Variants in HDAC9 observed in about 807,000 individuals in gnomAD.
HDAC9 encodes histone deacetylase 9.
HDAC9 carries 41 observed loss-of-function variants against 139.4 expected under a neutral mutation model. The ratio of observed to expected loss-of-function variants is 0.29; its 90% CI spans 0.23 to 0.38. The LOEUF is 0.38. Ranked by LOEUF, HDAC9 falls within the 10% of genes least tolerant of loss-of-function variation. The pLI, the probability that HDAC9 is intolerant of heterozygous loss-of-function variation, is 1.00. For missense variants in HDAC9, 1,147 were observed against 1,297.0 expected, an observed-to-expected ratio of 0.88 and a Z score of 1.78; for synonymous variants, 517 against 476.2, an observed-to-expected ratio of 1.09 and a Z score of -1.12.
intron 1 of HDAC9, among the ~76,000 whole-genome samples, chr7:18,162,025 A>G (rs1787660783): frequency 6.6e-6 from 1 of 152,140 alleles, no homozygotes; most frequent in Admixed American, 6.5e-5. Context: ...TCTGTTCACA[A>G]TATTCCTGTG....
At chr7:18,955,253 A>AT (rs1783069016) in intron 24 of HDAC9, among the ~76,000 whole-genome samples, 1 of 152,092 alleles carries the variant, frequency 6.6e-6, no homozygotes. Flanking sequence ...GCTGGAGGTG[A>AT]TTTCATAAGC....
chr7:18,707,963 G>A (rs549192567), intron 12 of HDAC9, among the ~76,000 whole-genome samples: 4 of 152,168 alleles, frequency 2.6e-5, no homozygotes, highest in East Asian at 1.9e-4. Flanking sequence ...GACAGTACAT[G>A]CTGAGAGGCT....
intron 23 of HDAC9, among the ~76,000 whole-genome samples, chr7:18,944,276 A>G (rs1220977301): frequency 6.6e-6 from 1 of 152,090 alleles, no homozygotes; most frequent in Non-Finnish European, 1.5e-5. Context: ...GTTCCACAAT[A>G]TCTTTGACTC....
At chr7:18,192,129 G>A (rs969880560) in intron 2 of HDAC9, among the ~76,000 whole-genome samples, 5 of 152,196 alleles carry the variant, frequency 3.3e-5, no homozygotes, top group African/African-American at 1.2e-4. Flanking sequence ...GGGGGCGGGG[G>A]GGTGTCACAG....
intron 13 of HDAC9, among the ~76,000 whole-genome samples, chr7:18,728,013 T>G (rs1325205976): frequency 6.6e-6 from 1 of 152,192 alleles, no homozygotes; most frequent in Non-Finnish European, 1.5e-5. Context: ...ATGAGTTTTT[T>G]GGAAATGAAA....
chr7:18,259,329 A>G (rs565548997), intron 2 of HDAC9, among the ~76,000 whole-genome samples: 19 of 152,052 alleles, frequency 1.2e-4, no homozygotes, highest in South Asian at 6.2e-4. Context: ...CCACCCCCCA[A>G]TAAAAGTAAG....
chr7:18,283,904 C>T lies in HDAC9; in HGVS notation c.25+121555C>T, dbSNP rs571389817. Reference sequence around the variant, plus strand: ...ATAAACAAATCAGAACAACAAAGTTCTCCATTTCTTTGTTTGTGGAGTATT... The same window carrying T: ...ATAAACAAATCAGAACAACAAAGTTTTCCATTTCTTTGTTTGTGGAGTATT... On this transcript the variant is annotated intron_variant, in intron 2 of 12. Coordinates refer to the HDAC9 transcript ENST00000417496. Among the ~76,000 whole-genome samples the T allele has an allele frequency of 1.7e-3, 252 of 152,286 alleles. 1 individual carries two copies. Among genetic ancestry groups the T allele is most frequent in the Non-Finnish European group, 3.2e-3 (218 of 68,020 alleles).
At chr7:18,832,136 G>C (rs1400273266) in intron 19 of HDAC9, among the ~76,000 whole-genome samples, 1 of 152,186 alleles carries the variant, frequency 6.6e-6, no homozygotes, top group Non-Finnish European at 1.5e-5. Flanking sequence ...TTTTCAACTT[G>C]CAAGAGACTG....
intron 1 of HDAC9, among the ~76,000 whole-genome samples, chr7:18,386,954 C>T (rs944546859): frequency 6.6e-6 from 1 of 152,178 alleles, no homozygotes; most frequent in African/African-American, 2.4e-5. Context: ...CTTCACCTCC[C>T]GCAATGTGGC....
At chr7:18,455,316 A>G (rs1793243111) in intron 1 of HDAC9, among the ~76,000 whole-genome samples, 1 of 152,164 alleles carries the variant, frequency 6.6e-6, no homozygotes, top group Admixed American at 6.6e-5. Flanking sequence ...AGAATCCTGT[A>G]AACCTTTTAC....
chr7:18,315,255 C>T (rs924401958), intron 1 of HDAC9, among the ~76,000 whole-genome samples: 4 of 152,118 alleles, frequency 2.6e-5, no homozygotes, highest in African/African-American at 9.7e-5. Flanking sequence ...AGGGGTCAGG[C>T]ATTCACTGTT....
At chr7:18,133,841 T>A (rs192212745) in intron 1 of HDAC9, among the ~76,000 whole-genome samples, 1 of 152,080 alleles carries the variant, frequency 6.6e-6, no homozygotes, top group Non-Finnish European at 1.5e-5. Flanking sequence ...AACATTTCCA[T>A]GGCGTTACAT....
At chr7:18,441,322 G>A (rs550297724) in intron 1 of HDAC9, among the ~76,000 whole-genome samples, 91 of 152,120 alleles carry the variant, frequency 6.0e-4, no homozygotes, top group African/African-American at 2.1e-3. Flanking sequence ...ATATTTTACT[G>A]GAACATTTAT....
Position 18,975,891 on chromosome 7 carries a change from C to A in HDAC9, c.3108C>A (p.Thr1036=). The change falls in exon 25 of 26, where the codon ACC becomes ACA. Residue 1036 remains threonine (T), a synonymous_variant. Coordinates refer to ENST00000686413, the MANE Select transcript of HDAC9 (RefSeq NM_178425.4). ...AGAQLQEETE[T]VSALASLTVD... is the part of the protein sequence containing the mutation. ...CTCAGTTGCAAGAGGAGACAGAGAC[C>A]GTTTCTGCCCTGGCCTCCCTAACAG... The A allele has an allele frequency of 6.2e-7, 1 of 1,613,804 alleles. No individual in the cohort carries two copies. The highest frequency in any genetic ancestry group is 8.5e-7 in the Non-Finnish European group (1 of 1,179,826).
intron 1 of HDAC9, chr7:18,087,934 A>T (rs900030027): frequency 2.0e-5 from 3 of 152,208 alleles, no homozygotes; most frequent in African/African-American, 7.2e-5. Flanking sequence ...ACAGAGCGGG[A>T]CTGAGCTCTC....
intron 2 of HDAC9, among the ~76,000 whole-genome samples, chr7:18,259,727 G>T (rs757978254): frequency 2.0e-5 from 3 of 152,062 alleles, no homozygotes; most frequent in African/African-American, 7.2e-5. Context: ...CACACAGCAG[G>T]TTTTCAATAA....
At chr7:18,242,409 G>A (rs1280412556) in intron 2 of HDAC9, among the ~76,000 whole-genome samples, 1 of 152,178 alleles carries the variant, frequency 6.6e-6, no homozygotes, top group Non-Finnish European at 1.5e-5. Context: ...TGAGAAAAAT[G>A]ACTGGATAAC....
intron 24 of HDAC9, among the ~76,000 whole-genome samples, chr7:18,975,289 A>G (rs1330202632): frequency 6.6e-6 from 1 of 152,278 alleles, no homozygotes; most frequent in Non-Finnish European, 1.5e-5. Context: ...AAGAACATCC[A>G]GGACTAACAA....
intron 1 of HDAC9, among the ~76,000 whole-genome samples, chr7:18,092,186 G>C (rs1236460273): frequency 6.6e-6 from 1 of 152,060 alleles, no homozygotes; most frequent in Non-Finnish European, 1.5e-5. Context: ...AGGAGTTCAA[G>C]ATCAGCCTGG....
Sources: allele counts gnomAD v4.1 joint callset (sites outside exome capture counted in the v4.1 genomes callset), GRCh38; gene constraint gnomAD v4.1.1; transcripts MANE v1.5; gene names NCBI Gene and HGNC (gene_info 2026-07-23, HGNC 2026-07-21).